COL25A1: variants seen among roughly 807,000 people sequenced by gnomAD.
COL25A1 encodes collagen alpha-1(XXV) chain.
COL25A1 carries 103 observed loss-of-function variants against 128.4 expected under a neutral mutation model. The ratio of observed to expected loss-of-function variants is 0.80; its 90% confidence interval spans 0.68 to 0.94. The LOEUF is 0.94. COL25A1 is among the 40% of genes least tolerant of loss of function. The probability of loss-of-function intolerance (pLI) is 0.00; values close to 1 mark genes in which losing one functional copy is unlikely to be tolerated. For missense variants in COL25A1, 745 were observed against 840.0 expected (o/e 0.89, Z 1.40); for synonymous variants, 279 against 277.2 (o/e 1.01, Z -0.06).
At chr4:108,927,122 C>T (rs749221636) in intron 11 of COL25A1, among the ~76,000 whole-genome samples, 1 of 152,094 alleles carries the variant, frequency 6.6e-6, no homozygotes, top group Admixed American at 6.6e-5. Flanking sequence ...TATCCTTCTC[C>T]GATCAGTCTT....
intron 3 of COL25A1, among the ~76,000 whole-genome samples, chr4:109,281,390 G>A (rs191640449): frequency 1.4e-5 from 2 of 138,672 alleles, no homozygotes; most frequent in East Asian, 4.1e-4. Context: ...TTACAATTCC[G>A]TTATTTTCCT....
chr4:108,998,820 A>C (rs1016705349), intron 6 of COL25A1, among the ~76,000 whole-genome samples: 6 of 152,152 alleles, frequency 3.9e-5, no homozygotes, highest in African/African-American at 1.4e-4. Context: ...ACACATCTAC[A>C]ACCCTCTGAT....
At chr4:109,155,305 T>C (rs560298820) in intron 3 of COL25A1, among the ~76,000 whole-genome samples, 1 of 152,274 alleles carries the variant, frequency 6.6e-6, no homozygotes, top group South Asian at 2.1e-4. Flanking sequence ...CCCCAGGCTG[T>C]TGGGAAAAAG....
At chr4:109,057,833 C>T (rs537100679) in intron 3 of COL25A1, among the ~76,000 whole-genome samples, 3 of 152,140 alleles carry the variant, frequency 2.0e-5, no homozygotes, top group Admixed American at 2.0e-4. Flanking sequence ...TGAAGCATGT[C>T]AAGTTTAACT....
chr4:109,078,328 T>C (rs961842744), intron 3 of COL25A1, among the ~76,000 whole-genome samples: 1 of 152,224 alleles, frequency 6.6e-6, no homozygotes, highest in Non-Finnish European at 1.5e-5. Context: ...TACCACAGTG[T>C]AATTAAGTTA....
intron 6 of COL25A1, among the ~76,000 whole-genome samples, chr4:108,981,996 C>G (rs1394569931): frequency 2.0e-5 from 3 of 152,092 alleles, no homozygotes; most frequent in Non-Finnish European, 4.4e-5. Context: ...GAGTTCGAGA[C>G]CAGCCTGACC....
chr4:109,012,580 C>T (rs868162264), intron 5 of COL25A1, among the ~76,000 whole-genome samples: 21 of 151,290 alleles, frequency 1.4e-4, no homozygotes, highest in Admixed American at 2.6e-4. Flanking sequence ...GCCGGCCAGC[C>T]GGCGGTGCCA....
At chr4:109,097,003 A>C (rs71603013) in intron 3 of COL25A1, among the ~76,000 whole-genome samples, 134 of 152,344 alleles carry the variant, frequency 8.8e-4, no homozygotes, top group Non-Finnish European at 1.7e-3. Context: ...GAAACAGAAC[A>C]ATAGGAAAAA....
intron 3 of COL25A1, among the ~76,000 whole-genome samples, chr4:109,069,830 AACTC>A (rs1036033295): frequency 2.0e-5 from 3 of 152,202 alleles, no homozygotes; most frequent in Non-Finnish European, 4.4e-5. Context: ...AACATTTGAA[AACTC>A]ACTTTCTTTA....
intron 5 of COL25A1, among the ~76,000 whole-genome samples, chr4:109,014,942 G>A (rs1757078397): frequency 1.3e-5 from 2 of 152,224 alleles, no homozygotes; most frequent in Admixed American, 1.3e-4. Flanking sequence ...TCACTCACTA[G>A]GATGTAACAA....
intron 8 of COL25A1, among the ~76,000 whole-genome samples, chr4:108,950,205 T>C (rs1053875144): frequency 6.6e-6 from 1 of 152,102 alleles, no homozygotes; most frequent in Non-Finnish European, 1.5e-5. Context: ...CCAACATTTC[T>C]AGCAATGAAA....
chr4:109,002,445 A>C (rs1755540007), intron 6 of COL25A1, among the ~76,000 whole-genome samples: 1 of 152,216 alleles, frequency 6.6e-6, no homozygotes, highest in Non-Finnish European at 1.5e-5. Flanking sequence ...TGCTAAGTGA[A>C]ATAAACCAGA....
intron 19 of COL25A1, among the ~76,000 whole-genome samples, chr4:108,870,285 A>G (rs1284437375): frequency 1.1e-4 from 16 of 152,150 alleles, no homozygotes; most frequent in African/African-American, 3.6e-4. Context: ...ACATACTAAA[A>G]TGTCATCAAA....
At chr4:109,188,212 T>C (rs748338764) in intron 3 of COL25A1, among the ~76,000 whole-genome samples, 8 of 152,166 alleles carry the variant, frequency 5.3e-5, no homozygotes, top group Admixed American at 2.0e-4. Flanking sequence ...AATATACAAC[T>C]GGTCAGCCAC....
intron 13 of COL25A1, among the ~76,000 whole-genome samples, chr4:108,913,946 TG>T (rs761079001): frequency 6.6e-6 from 1 of 152,118 alleles, no homozygotes; most frequent in Non-Finnish European, 1.5e-5. Context: ...ACGCGCATGG[TG>T]GGGGAAAGAA....
At chr4:109,263,864 C>T (rs1197165725) in intron 3 of COL25A1, among the ~76,000 whole-genome samples, 1 of 152,158 alleles carries the variant, frequency 6.6e-6, no homozygotes, top group Non-Finnish European at 1.5e-5. Flanking sequence ...GGCACACCTC[C>T]TCAACATTCA....
intron 8 of COL25A1, among the ~76,000 whole-genome samples, chr4:108,967,176 A>G (rs1751406070): frequency 6.6e-6 from 1 of 152,190 alleles, no homozygotes; most frequent in Non-Finnish European, 1.5e-5. Context: ...AATAAAAGTA[A>G]GTATTTCATA....
rs765449890 is a variant in COL25A1 at position 108,862,595 on chromosome 4, A to G, written c.1153-50T>C. The G allele has an allele frequency of 4.7e-6, 7 of 1,487,078 alleles. No homozygotes were observed. The Admixed American group carries it at 1.2e-4, about 26-fold the overall frequency. 92.1% of individuals were successfully genotyped at this position (1,487,078 alleles called of 1,614,324 possible). ...AAAAAGATAAAATTATAGAAGAGAT[A>G]AGAACAGAAAAATAGAAATTAGCAG... On this transcript the variant is annotated intron_variant, in intron 21 of 37. Coordinates refer to ENST00000399132, the MANE Select transcript of COL25A1 (RefSeq NM_198721.4).
intron 8 of COL25A1, among the ~76,000 whole-genome samples, chr4:108,966,924 A>AAAG (rs1466838499): frequency 1.4e-3 from 121 of 85,756 alleles, no homozygotes; most frequent in Non-Finnish European, 2.1e-3. Context: ...GAAAGAGAGA[A>AAAG]AAAGAGAGAA....
Sources: allele counts gnomAD v4.1 joint callset (sites outside exome capture counted in the v4.1 genomes callset), GRCh38; gene constraint gnomAD v4.1.1; transcripts MANE v1.5; gene names NCBI Gene and HGNC (gene_info 2026-07-23, HGNC 2026-07-21).